ZFAND3: variants seen among roughly 807,000 people sequenced by gnomAD.
ZFAND3 encodes AN1-type zinc finger protein 3.
A neutral mutation model predicts 29.6 loss-of-function variants in ZFAND3; 10 were observed. That is an observed-to-expected ratio of 0.34 (90% CI 0.21 to 0.57). The LOEUF (loss-of-function observed/expected upper bound fraction) is 0.57, where lower values mean the gene tolerates loss of function less well. ZFAND3 is among the 20% of genes least tolerant of loss of function. ZFAND3 has a pLI of 0.86. For missense variants in ZFAND3, 230 were observed against 304.5 expected, an observed-to-expected ratio of 0.76 and a Z score of 1.82; for synonymous variants, 128 against 112.6, an observed-to-expected ratio of 1.14 and a Z score of -0.87.
chr6:38,052,326 G>T (rs1342027192), intron 2 of ZFAND3, among the ~76,000 whole-genome samples: 1 of 152,198 alleles, frequency 6.6e-6, no homozygotes, highest in African/African-American at 2.4e-5. Flanking sequence ...TTTTATATGT[G>T]TGGGGATAAT....
rs200493450 is a variant in ZFAND3, at chr6:38,082,476, T to G, written c.361+19T>G. 1 of 1,606,066 alleles carries G rather than the reference T, an allele frequency of 6.2e-7. No individual in the cohort carries two copies. Among genetic ancestry groups the G allele is most frequent in the Non-Finnish European group, 8.5e-7 (1 of 1,174,892 alleles). ...GGTACAGGTATGTACGTCATTCTTATGTGAATTCATCCTTATTTGAATTCT... is the reference window on the plus strand; with the variant it reads ...GGTACAGGTATGTACGTCATTCTTAGGTGAATTCATCCTTATTTGAATTCT... On this transcript the variant is annotated intron_variant, in intron 4 of 5. Coordinates refer to ENST00000287218, the MANE Select transcript of ZFAND3 (RefSeq NM_021943.3).
chr6:38,103,509 ACGTG>A (rs1172798053), intron 4 of ZFAND3, among the ~76,000 whole-genome samples: 1 of 37,808 alleles, frequency 2.6e-5, no homozygotes. Context: ...ATATATATAC[ACGTG>A]TATATATACA....
At chr6:37,975,457 T>C (rs893507591) in intron 2 of ZFAND3, among the ~76,000 whole-genome samples, 2 of 152,208 alleles carry the variant, frequency 1.3e-5, no homozygotes, top group Non-Finnish European at 2.9e-5. Context: ...AGAGAAGTTT[T>C]TCATTTCAAT....
At chr6:38,007,365 G>A (rs1251571673) in intron 2 of ZFAND3, among the ~76,000 whole-genome samples, 1 of 152,042 alleles carries the variant, frequency 6.6e-6, no homozygotes, top group Non-Finnish European at 1.5e-5. Flanking sequence ...TTCAGGACCA[G>A]TAAAACTCCA....
chr6:38,063,315 G>A (rs1168902136), intron 3 of ZFAND3, among the ~76,000 whole-genome samples: 1 of 152,140 alleles, frequency 6.6e-6, no homozygotes, highest in African/African-American at 2.4e-5. Flanking sequence ...AAATATATTT[G>A]TTGTAGTTTA....
intron 1 of ZFAND3, among the ~76,000 whole-genome samples, chr6:37,883,647 A>G (rs1400967601): frequency 1.4e-5 from 2 of 143,696 alleles, no homozygotes; most frequent in Non-Finnish European, 3.0e-5. Context: ...GGTTCAAGCA[A>G]TTCTCTGCCT....
chr6:37,965,320 C>G (rs1289316114), intron 2 of ZFAND3, among the ~76,000 whole-genome samples: 1 of 152,176 alleles, frequency 6.6e-6, no homozygotes, highest in Non-Finnish European at 1.5e-5. Flanking sequence ...CAGACCGGCA[C>G]TGATCTGTGG....
intron 2 of ZFAND3, among the ~76,000 whole-genome samples, chr6:37,957,406 T>G (rs574373717): frequency 9.2e-5 from 14 of 152,210 alleles, no homozygotes; most frequent in Non-Finnish European, 1.6e-4. Context: ...TTTGCACTTG[T>G]TCTTGGTGGG....
chr6:38,044,738 A>C (rs1424609000), intron 2 of ZFAND3, among the ~76,000 whole-genome samples: 4 of 152,208 alleles, frequency 2.6e-5, no homozygotes, highest in Non-Finnish European at 4.4e-5. Context: ...CGAAATGGTA[A>C]ATCACTTTCA....
chr6:38,125,557 T>G (rs1765619483), intron 5 of ZFAND3, among the ~76,000 whole-genome samples: 1 of 152,184 alleles, frequency 6.6e-6, no homozygotes, highest in Non-Finnish European at 1.5e-5. Flanking sequence ...TACTGACAGG[T>G]ATGGCAGAAG....
intron 2 of ZFAND3, among the ~76,000 whole-genome samples, chr6:37,966,670 A>T (rs138705573): frequency 6.6e-6 from 1 of 152,088 alleles, no homozygotes; most frequent in Admixed American, 6.5e-5. Context: ...ATGCTCTATC[A>T]CTCCCAAATA....
chr6:37,969,431 A>G (rs151075268), intron 2 of ZFAND3, among the ~76,000 whole-genome samples: 4 of 152,326 alleles, frequency 2.6e-5, no homozygotes, highest in Admixed American at 2.0e-4. Flanking sequence ...TACCTTATAC[A>G]TGCTTAGAGC....
At chr6:37,996,556 G>C (rs183081036) in intron 2 of ZFAND3, among the ~76,000 whole-genome samples, 1 of 152,110 alleles carries the variant, frequency 6.6e-6, no homozygotes, top group Admixed American at 6.6e-5. Context: ...CCCCCTAATA[G>C]GTTTTTTTTG....
chr6:38,075,623 TAAAAC>T (rs1008588304), intron 3 of ZFAND3, among the ~76,000 whole-genome samples: 1 of 152,228 alleles, frequency 6.6e-6, no homozygotes, highest in East Asian at 1.9e-4. Flanking sequence ...ACTTAGTTGA[TAAAAC>T]AATAGCAGAG....
chr6:38,076,238 T>C (rs764985497), intron 3 of ZFAND3, among the ~76,000 whole-genome samples: 2 of 152,212 alleles, frequency 1.3e-5, no homozygotes, highest in Non-Finnish European at 2.9e-5. Flanking sequence ...TTAAGGTATG[T>C]ACATTGTTTC....
At chr6:38,071,824 A>T (rs1764459710) in intron 3 of ZFAND3, among the ~76,000 whole-genome samples, 3 of 152,192 alleles carry the variant, frequency 2.0e-5, no homozygotes, top group African/African-American at 7.2e-5. Flanking sequence ...AACACCTAGC[A>T]CACTGCTGGC....
At chr6:38,082,730 A>G (rs1764687688) in intron 4 of ZFAND3, among the ~76,000 whole-genome samples, 1 of 152,194 alleles carries the variant, frequency 6.6e-6, no homozygotes, top group African/African-American at 2.4e-5. Context: ...TTAAGACACA[A>G]CAGAAATGCA....
chr6:38,080,823 T>C (rs1344464064), intron 3 of ZFAND3, among the ~76,000 whole-genome samples: 1 of 152,210 alleles, frequency 6.6e-6, no homozygotes, highest in African/African-American at 2.4e-5. Flanking sequence ...TGTTTCTCAT[T>C]GTCTCTTCTT....
chr6:37,934,743 G>A lies in ZFAND3; in HGVS notation c.112+4744G>A, dbSNP rs547491514. Among the ~76,000 whole-genome samples, 39 of 149,170 alleles carry A rather than the reference G, an allele frequency of 2.6e-4. 1 individual carries two copies. The South Asian group carries it at 8.3e-3, about 32-fold the overall frequency. ...AGTCCCAGCTACTCGGGAGGCTGAGGCAGGAGAATCACTTGAACCCGGTGG... is the reference window on the plus strand; with the variant it reads ...AGTCCCAGCTACTCGGGAGGCTGAGACAGGAGAATCACTTGAACCCGGTGG... On this transcript the variant is annotated intron_variant, in intron 2 of 5. Coordinates refer to ENST00000287218, the MANE Select transcript of ZFAND3 (RefSeq NM_021943.3).
Sources: allele counts gnomAD v4.1 joint callset (sites outside exome capture counted in the v4.1 genomes callset), GRCh38; gene constraint gnomAD v4.1.1; transcripts MANE v1.5; gene names NCBI Gene and HGNC (gene_info 2026-07-23, HGNC 2026-07-21).